The following OSTF1 variants were observed in gnomAD, a reference collection of about 807,000 sequenced individuals.
OSTF1 encodes osteoclast-stimulating factor 1.
Under a neutral mutation model 37.2 loss-of-function variants are expected in OSTF1, and 27 were observed. The ratio of observed to expected loss-of-function variants is 0.73; its 90% CI spans 0.54 to 1.00. OSTF1 has a LOEUF of 1.00. Ranked by LOEUF, OSTF1 falls within the 50% of genes least tolerant of loss-of-function variation. The pLI is 0.00. For synonymous variants in OSTF1, 82 were observed against 89.2 expected (o/e 0.92, Z 0.46); for missense variants, 232 against 253.8 (o/e 0.91, Z 0.58).
chr9:75,136,733 C>T (rs944809278), intron 7 of OSTF1, among the ~76,000 whole-genome samples: 1 of 152,254 alleles, frequency 6.6e-6, no homozygotes. Flanking sequence ...GCTGTGTGTG[C>T]TTGGTGAGGC....
intron 1 of OSTF1, among the ~76,000 whole-genome samples, chr9:75,093,042 C>T (rs1366095909): frequency 7.7e-6 from 1 of 129,646 alleles, no homozygotes; most frequent in Non-Finnish European, 1.6e-5. Flanking sequence ...TTCTTTCTTT[C>T]TCTCTCTCTC....
chr9:75,100,440 GTC>G (rs902488714), intron 1 of OSTF1, among the ~76,000 whole-genome samples: 15 of 151,704 alleles, frequency 9.9e-5, no homozygotes, highest in African/African-American at 3.6e-4. Flanking sequence ...TTTTAAAAAA[GTC>G]TCTGAGGCCA....
At chr9:75,127,904 A>T (rs1484668755) in intron 3 of OSTF1, among the ~76,000 whole-genome samples, 2 of 152,056 alleles carry the variant, frequency 1.3e-5, no homozygotes, top group African/African-American at 2.4e-5. Flanking sequence ...GTGAAAAAAA[A>T]AGCAAAGTGA....
chr9:75,115,391 A>G (rs900994868), intron 1 of OSTF1, among the ~76,000 whole-genome samples: 1 of 152,102 alleles, frequency 6.6e-6, no homozygotes, highest in African/African-American at 2.4e-5. Context: ...TCCTGGGTTC[A>G]GGCTATTCTC....
chr9:75,091,209 C>A (rs189909356), intron 1 of OSTF1, among the ~76,000 whole-genome samples: 169 of 151,660 alleles, frequency 1.1e-3, no homozygotes, highest in South Asian at 1.0e-3. Flanking sequence ...CTCAGCCTCC[C>A]GAGCAGCTGG....
intron 2 of OSTF1, among the ~76,000 whole-genome samples, chr9:75,124,573 T>G (rs1419377231): frequency 6.6e-6 from 1 of 152,200 alleles, no homozygotes; most frequent in Non-Finnish European, 1.5e-5. Context: ...CATTTTAAAG[T>G]GAATCATTTG....
At chr9:75,113,976 A>G (rs1325731452) in intron 1 of OSTF1, among the ~76,000 whole-genome samples, 4 of 152,106 alleles carry the variant, frequency 2.6e-5, no homozygotes, top group South Asian at 2.1e-4. Context: ...GGCAACCACT[A>G]TATTACTGTC....
At chr9:75,140,588 A>G (rs560858873) in intron 8 of OSTF1, among the ~76,000 whole-genome samples, 1 of 152,354 alleles carries the variant, frequency 6.6e-6, no homozygotes, top group Admixed American at 6.5e-5. Flanking sequence ...AAAAGTTCAC[A>G]TGCAATTCTA....
At chr9:75,128,387 T>TTTTTTTTTGTCC (rs1439910491) in intron 3 of OSTF1, among the ~76,000 whole-genome samples, 7 of 91,698 alleles carry the variant, frequency 7.6e-5, no homozygotes, top group African/African-American at 3.2e-4. Context: ...TATATATATA[T>TTTTTTTTTGTCC]ATATATATAT....
chr9:75,121,236 T>C (rs370374440), intron 2 of OSTF1, among the ~76,000 whole-genome samples: 62 of 152,360 alleles, frequency 4.1e-4, no homozygotes, highest in African/African-American at 1.5e-3. Flanking sequence ...GAGTAATTGT[T>C]ACTATCGAAG....
intron 2 of OSTF1, among the ~76,000 whole-genome samples, chr9:75,121,946 C>G (rs1825587402): frequency 6.6e-6 from 1 of 152,168 alleles, no homozygotes; most frequent in Non-Finnish European, 1.5e-5. Flanking sequence ...AATGCGCAAC[C>G]CCAGTCTTGG....
intron 5 of OSTF1, among the ~76,000 whole-genome samples, 193 bp from the exon 6 acceptor site, chr9:75,133,101 G>A (rs182771369): frequency 1.3e-5 from 2 of 152,006 alleles, no homozygotes; most frequent in East Asian, 3.9e-4. Context: ...AAACATTGAT[G>A]TTAATACTTT....
At chr9:75,107,668 A>T (rs1392942080) in intron 1 of OSTF1, among the ~76,000 whole-genome samples, 1 of 152,240 alleles carries the variant, frequency 6.6e-6, no homozygotes, top group Non-Finnish European at 1.5e-5. Flanking sequence ...CTTCAGTAAG[A>T]TATGTATTTT....
intron 8 of OSTF1, among the ~76,000 whole-genome samples, chr9:75,138,728 AC>A (rs1281630375): frequency 6.6e-6 from 1 of 152,178 alleles, no homozygotes; most frequent in Non-Finnish European, 1.5e-5. Context: ...ATCTAAAGGG[AC>A]CCAGGAAATA....
chr9:75,142,294 A>G (rs548778060), intron 9 of OSTF1, among the ~76,000 whole-genome samples: 46 of 152,214 alleles, frequency 3.0e-4, no homozygotes, highest in Non-Finnish European at 5.9e-4. Context: ...GAGAAGCCAT[A>G]TTTGCAATAG....
At chr9:75,117,811 T>C (rs546968482) in intron 2 of OSTF1, among the ~76,000 whole-genome samples, 8 of 152,356 alleles carry the variant, frequency 5.3e-5, no homozygotes, top group Non-Finnish European at 1.0e-4. Context: ...GTGACTTGCA[T>C]ATAAAGCACA....
At chr9:75,139,054 C>CTTGT (rs1554774464) in intron 8 of OSTF1, among the ~76,000 whole-genome samples, 1 of 109,512 alleles carries the variant, frequency 9.1e-6, no homozygotes, top group Non-Finnish European at 2.0e-5. Context: ...TTCTTTCTTT[C>CTTGT]TTTTTTTTTT....
chr9:75,144,967 A>G (rs1825997079), intron 9 of OSTF1, among the ~76,000 whole-genome samples: 1 of 152,088 alleles, frequency 6.6e-6, no homozygotes, highest in African/African-American at 2.4e-5. Context: ...AACTGGGTCA[A>G]CTCACTTGAA....
At chr9:75,099,925 T>G (rs907782664) in intron 1 of OSTF1, among the ~76,000 whole-genome samples, 5 of 152,176 alleles carry the variant, frequency 3.3e-5, no homozygotes, top group Admixed American at 2.6e-4. Flanking sequence ...GGGAATAAAT[T>G]TTGTTGCTAT....
Sources: allele counts gnomAD v4.1 joint callset (sites outside exome capture counted in the v4.1 genomes callset), GRCh38; gene constraint gnomAD v4.1.1; transcripts MANE v1.5; gene names NCBI Gene and HGNC (gene_info 2026-07-23, HGNC 2026-07-21).